Variants in PTPN13 observed in about 807,000 individuals in gnomAD.
The protein encoded by PTPN13 is protein tyrosine phosphatase non-receptor type 13.
A neutral mutation model predicts 284.0 loss-of-function variants in PTPN13; 191 were observed. The observed-to-expected ratio is 0.67, with a 90% confidence interval of 0.60 to 0.76. The LOEUF (loss-of-function observed/expected upper bound fraction) is 0.76. Ranked by LOEUF, PTPN13 falls within the 30% of genes least tolerant of loss-of-function variation. The probability of loss-of-function intolerance (pLI) is 0.00; values close to 1 mark genes in which losing one functional copy is unlikely to be tolerated. For missense variants in PTPN13, 2,797 were observed against 2,939.9 expected (o/e 0.95, Z 1.12); for synonymous variants, 986 against 1,022.3 (o/e 0.96, Z 0.68).
Position 86,805,288 on chromosome 4 carries a change from G to T in PTPN13, c.6664G>T (p.Glu2222Ter). 1 of 1,583,318 alleles carries T rather than the reference G, an allele frequency of 6.3e-7. No homozygotes were observed. Among genetic ancestry groups the T allele is most frequent in the Admixed American group, 1.7e-5 (1 of 57,300 alleles). The change falls in exon 44 of 48, where the codon GAA becomes TAA. Residue 2222 changes from glutamate (E) to a stop codon, truncating the protein, a stop_gained. Coordinates refer to ENST00000411767, the MANE Select transcript of PTPN13 (RefSeq NM_080683.3). LOFTEE classifies it high-confidence loss of function. Reference sequence around the variant, plus strand: ...CATGTTTTGCTTACAGAATCTTCAAGAATTAAAACCTTTGGATCAGTGTCT... The same window carrying T: ...CATGTTTTGCTTACAGAATCTTCAATAATTAAAACCTTTGGATCAGTGTCT... ...IPSKELENLQ[E>*]LKPLDQCLIG... is the part of the protein sequence containing the mutation.
chr4:86,775,365 A>G (rs1213456511), intron 34 of PTPN13, 23 bp downstream of exon 34: 1 of 1,607,112 alleles, frequency 6.2e-7, no homozygotes, highest in Non-Finnish European at 8.5e-7. Flanking sequence ...CAAACTTTGT[A>G]CAATATGATT....
intron 23 of PTPN13, among the ~76,000 whole-genome samples, chr4:86,761,171 A>ATATATATATATATATAT (rs1166814661): frequency 2.3e-5 from 2 of 85,940 alleles, no homozygotes; most frequent in South Asian, 3.5e-4. Context: ...TATATATATA[A>ATATATATATATATATAT]ACACAACACA....
At chr4:86,608,104 C>G (rs1007990083) in intron 1 of PTPN13, among the ~76,000 whole-genome samples, 1 of 151,882 alleles carries the variant, frequency 6.6e-6, no homozygotes, top group African/African-American at 2.4e-5. Context: ...AAGGTAAAAC[C>G]TGGCAAATAA....
At chr4:86,615,193 A>C (rs1720406143) in intron 1 of PTPN13, among the ~76,000 whole-genome samples, 1 of 152,096 alleles carries the variant, frequency 6.6e-6, no homozygotes, top group African/African-American at 2.4e-5. Flanking sequence ...TATTGCATTG[A>C]TTTTGTTTTC....
chr4:86,803,615 C>T (rs756136227), intron 42 of PTPN13, 94 bp from the exon 43 acceptor site: 5 of 1,294,090 alleles, frequency 3.9e-6, no homozygotes, highest in Non-Finnish European at 5.4e-6. Flanking sequence ...TAGACTTTCC[C>T]TTTTGTAAGA....
intron 1 of PTPN13, among the ~76,000 whole-genome samples, chr4:86,599,178 A>C (rs796346987): frequency 1.5e-4 from 23 of 152,338 alleles, no homozygotes; most frequent in African/African-American, 5.5e-4. Flanking sequence ...ACCATAGTCA[A>C]CTTTGGAACC....
intron 2 of PTPN13, among the ~76,000 whole-genome samples, chr4:86,651,825 T>C (rs111822710): frequency 0.046 from 7,078 of 152,298 alleles, 219 homozygotes; most frequent in African/African-American, 0.061. Context: ...TCAGTTGTAA[T>C]GTCCCCTTTT....
At chr4:86,693,071 T>TAAAAAAAAAAA (rs34543988) in intron 5 of PTPN13, among the ~76,000 whole-genome samples, 3 of 112,302 alleles carry the variant, frequency 2.7e-5, no homozygotes, top group Non-Finnish European at 3.6e-5. Context: ...CCGTTATATT[T>TAAAAAAAAAAA]AAAAAAAAAA....
chr4:86,713,244 T>C (rs1732641050), intron 7 of PTPN13, among the ~76,000 whole-genome samples: 1 of 152,132 alleles, frequency 6.6e-6, no homozygotes, highest in South Asian at 2.1e-4. Context: ...CAATTCCGGG[T>C]TTGCAATTTG....
intron 15 of PTPN13, among the ~76,000 whole-genome samples, chr4:86,737,482 A>G (rs1735656323): frequency 2.0e-5 from 3 of 152,024 alleles, no homozygotes; most frequent in Non-Finnish European, 4.4e-5. Context: ...AATAAAGATC[A>G]TATGACCCAC....
intron 7 of PTPN13, among the ~76,000 whole-genome samples, chr4:86,704,161 G>T (rs1001845321): frequency 2.0e-5 from 3 of 152,100 alleles, no homozygotes; most frequent in Non-Finnish European, 4.4e-5. Context: ...CCCAGCCTAG[G>T]CAACAAGAGC....
chr4:86,754,573 G>A (rs1018197264), intron 20 of PTPN13, among the ~76,000 whole-genome samples: 3 of 151,938 alleles, frequency 2.0e-5, no homozygotes, highest in East Asian at 3.9e-4. Context: ...TGGTAGAGCC[G>A]TGATTTGAAC....
intron 2 of PTPN13, among the ~76,000 whole-genome samples, chr4:86,638,918 C>T (rs1248039849): frequency 6.6e-6 from 1 of 152,050 alleles, no homozygotes; most frequent in Non-Finnish European, 1.5e-5. Context: ...AGAAAATGTT[C>T]GCAACCTACT....
rs114750662 is a variant in PTPN13 at position 86,698,730 on chromosome 4, A to G, written c.635-2511A>G. On this transcript the variant is annotated intron_variant, in intron 6 of 47. Coordinates refer to ENST00000411767, the MANE Select transcript of PTPN13 (RefSeq NM_080683.3). ...AAAATGTCCATCTGATTTGGCAAGCAGAGATCATTGGTCATAACTAATGAG... is the reference window on the plus strand; with the variant it reads ...AAAATGTCCATCTGATTTGGCAAGCGGAGATCATTGGTCATAACTAATGAG... Among the ~76,000 whole-genome samples, 1,477 of 152,316 alleles carry G rather than the reference A, an allele frequency of 9.7e-3. 16 individuals are homozygous for G. The highest frequency in any genetic ancestry group is 0.034 in the African/African-American group (1,394 of 41,572).
At chr4:86,745,987 G>A (rs1458907794) in intron 17 of PTPN13, among the ~76,000 whole-genome samples, 2 of 152,108 alleles carry the variant, frequency 1.3e-5, no homozygotes, top group African/African-American at 2.4e-5. Context: ...GAGGATGGGG[G>A]AAGTATGCAC....
At chr4:86,752,464 G>T (rs1386417511) in intron 19 of PTPN13, among the ~76,000 whole-genome samples, 5 of 152,066 alleles carry the variant, frequency 3.3e-5, no homozygotes, top group Non-Finnish European at 4.4e-5. Flanking sequence ...CATTCTATAG[G>T]TAACTCTGTG....
chr4:86,736,690 G>A (rs1735555934), intron 15 of PTPN13, among the ~76,000 whole-genome samples: 2 of 152,132 alleles, frequency 1.3e-5, no homozygotes, highest in South Asian at 2.1e-4. Context: ...AAGGTAGAAG[G>A]CAGATTGGCA....
intron 41 of PTPN13, among the ~76,000 whole-genome samples, chr4:86,797,597 C>A (rs1743496797): frequency 6.6e-6 from 1 of 152,016 alleles, no homozygotes; most frequent in African/African-American, 2.4e-5. Flanking sequence ...AAGCAATATT[C>A]TCTTAACTAT....
intron 10 of PTPN13, among the ~76,000 whole-genome samples, chr4:86,729,908 G>A (rs138792685): frequency 1.3e-5 from 2 of 149,708 alleles, no homozygotes; most frequent in Admixed American, 6.7e-5. Flanking sequence ...CAGTCCTTTG[G>A]AGGAGAAGAA....
Sources: allele counts gnomAD v4.1 joint callset (sites outside exome capture counted in the v4.1 genomes callset), GRCh38; gene constraint gnomAD v4.1.1; transcripts MANE v1.5; gene names NCBI Gene and HGNC (gene_info 2026-07-23, HGNC 2026-07-21).